ETV6: variants seen among roughly 807,000 people sequenced by gnomAD.
The protein encoded by ETV6 is ETS variant transcription factor 6.
In ETV6, 16 loss-of-function variants were observed where a neutral mutation model predicts 51.1. The ratio of observed to expected loss-of-function variants is 0.31; its 90% CI spans 0.21 to 0.48. ETV6 has a LOEUF of 0.48. ETV6 is among the 20% of genes least tolerant of loss of function. The probability of loss-of-function intolerance (pLI) is 0.99; values close to 1 mark genes in which losing one functional copy is unlikely to be tolerated. For missense variants in ETV6, 458 were observed against 594.8 expected (o/e 0.77, Z 2.39); for synonymous variants, 240 against 224.1 (o/e 1.07, Z -0.64).
chr12:11,793,862 C>T (rs766159791), intron 2 of ETV6, among the ~76,000 whole-genome samples: 22 of 152,222 alleles, frequency 1.4e-4, no homozygotes, highest in Non-Finnish European at 3.2e-4. Flanking sequence ...CTTGCCTCAG[C>T]AGCAGAGAAC....
At chr12:11,721,334 T>C (rs1313587931) in intron 1 of ETV6, among the ~76,000 whole-genome samples, 1 of 152,152 alleles carries the variant, frequency 6.6e-6, no homozygotes, top group African/African-American at 2.4e-5. Flanking sequence ...AACAGTGGAT[T>C]TGATTTTGTT....
intron 1 of ETV6, among the ~76,000 whole-genome samples, chr12:11,665,407 C>T (rs1245154792): frequency 6.6e-6 from 1 of 152,168 alleles, no homozygotes; most frequent in East Asian, 1.9e-4. Context: ...CTGCTGGGCA[C>T]AGTGTTCCCC....
At chr12:11,842,698 G>A (rs1387490000) in intron 3 of ETV6, among the ~76,000 whole-genome samples, 2 of 152,184 alleles carry the variant, frequency 1.3e-5, no homozygotes. Flanking sequence ...AATATGATTG[G>A]AGCTCTCTTT....
At chr12:11,752,070 G>A (rs1866040780) in intron 1 of ETV6, among the ~76,000 whole-genome samples, 1 of 152,196 alleles carries the variant, frequency 6.6e-6, no homozygotes, top group Non-Finnish European at 1.5e-5. Flanking sequence ...ATATAGTGAT[G>A]GCATTAATTA....
At chr12:11,767,470 G>A (rs1356070106) in intron 2 of ETV6, among the ~76,000 whole-genome samples, 1 of 152,264 alleles carries the variant, frequency 6.6e-6, no homozygotes, top group East Asian at 1.9e-4. Flanking sequence ...GCTCGACTCT[G>A]TGGGGGAAAA....
At chr12:11,743,990 T>G (rs1239680585) in intron 1 of ETV6, among the ~76,000 whole-genome samples, 2 of 152,188 alleles carry the variant, frequency 1.3e-5, no homozygotes, top group Non-Finnish European at 2.9e-5. Context: ...TCCAAGCCCT[T>G]TGGGCTGCCA....
intron 1 of ETV6, among the ~76,000 whole-genome samples, chr12:11,738,170 T>TTTGCTTGCTTGC (rs760732066): frequency 2.0e-5 from 3 of 151,844 alleles, no homozygotes; most frequent in African/African-American, 7.2e-5. Context: ...GCTCTGCTAG[T>TTTGCTTGCTTGC]TTGCTTGCTT....
At chr12:11,708,087 C>T (rs1330518046) in intron 1 of ETV6, among the ~76,000 whole-genome samples, 4 of 152,080 alleles carry the variant, frequency 2.6e-5, no homozygotes, top group African/African-American at 4.8e-5. Context: ...GGTGAGCATA[C>T]GTCGAAAGCT....
intron 1 of ETV6, among the ~76,000 whole-genome samples, chr12:11,703,588 T>C (rs943226280): frequency 2.0e-5 from 3 of 152,250 alleles, no homozygotes; most frequent in Admixed American, 2.0e-4. Flanking sequence ...GTTTCCATTG[T>C]GCAGTTAACT....
At chr12:11,677,274 C>A (rs979752797) in intron 1 of ETV6, among the ~76,000 whole-genome samples, 1 of 152,222 alleles carries the variant, frequency 6.6e-6, no homozygotes, top group African/African-American at 2.4e-5. Context: ...TCTCTCTCCT[C>A]CCTCCTCCTG....
chr12:11,675,389 A>G (rs1433908479), intron 1 of ETV6, among the ~76,000 whole-genome samples: 1 of 152,240 alleles, frequency 6.6e-6, no homozygotes, highest in Non-Finnish European at 1.5e-5. Context: ...AAGTGCATCT[A>G]TACATTTCAA....
At chr12:11,855,674 G>T (rs969002614) in intron 4 of ETV6, among the ~76,000 whole-genome samples, 1 of 152,156 alleles carries the variant, frequency 6.6e-6, no homozygotes, top group Non-Finnish European at 1.5e-5. Flanking sequence ...CCACCTCCTT[G>T]TGCCAAGCAT....
intron 1 of ETV6, among the ~76,000 whole-genome samples, chr12:11,735,029 A>C (rs968342927): frequency 2.0e-5 from 3 of 151,692 alleles, no homozygotes; most frequent in African/African-American, 4.9e-5. Context: ...ATTAATGGGC[A>C]AAATGTCTTC....
chr12:11,723,492 A>G (rs1001190271), intron 1 of ETV6, among the ~76,000 whole-genome samples: 3 of 151,872 alleles, frequency 2.0e-5, no homozygotes, highest in African/African-American at 7.3e-5. Context: ...AATCCATTCT[A>G]AATGAAAAAG....
chr12:11,839,034 T>C, intron 2 of ETV6, 106 bp from the exon 3 acceptor site: 2 of 1,200,504 alleles, frequency 1.7e-6, no homozygotes, highest in Non-Finnish European at 2.3e-6. Context: ...TCTTGAGATG[T>C]GGAGACTCAT....
At chr12:11,658,043 G>A (rs1864033564) in intron 1 of ETV6, among the ~76,000 whole-genome samples, 1 of 152,124 alleles carries the variant, frequency 6.6e-6, no homozygotes, top group Non-Finnish European at 1.5e-5. Flanking sequence ...CATCTGAAGT[G>A]GTAATAAAAA....
intron 1 of ETV6, among the ~76,000 whole-genome samples, chr12:11,736,817 G>A (rs1445281818): frequency 6.6e-6 from 1 of 152,230 alleles, no homozygotes; most frequent in Non-Finnish European, 1.5e-5. Context: ...TAAGTCAGTA[G>A]ATGGCCCTAG....
intron 7 of ETV6, among the ~76,000 whole-genome samples, chr12:11,888,744 C>G (rs935050144): frequency 6.6e-6 from 1 of 152,126 alleles, no homozygotes; most frequent in African/African-American, 2.4e-5. Flanking sequence ...ACTCTGTTGC[C>G]CAGGCTAGAG....
intron 7 of ETV6, among the ~76,000 whole-genome samples, chr12:11,889,129 C>T (rs1947250027): frequency 6.6e-6 from 1 of 152,062 alleles, no homozygotes; most frequent in South Asian, 2.1e-4. Flanking sequence ...GGGGGCCAAG[C>T]ATAGGACATC....
Sources: allele counts gnomAD v4.1 joint callset (sites outside exome capture counted in the v4.1 genomes callset), GRCh38; gene constraint gnomAD v4.1.1; transcripts MANE v1.5; gene names NCBI Gene and HGNC (gene_info 2026-07-23, HGNC 2026-07-21).